The following SAMSN1 variants were observed in gnomAD, a reference collection of about 807,000 sequenced individuals.
The protein encoded by SAMSN1 is SAM domain-containing protein SAMSN-1.
In SAMSN1, 31 loss-of-function variants were observed where a neutral mutation model predicts 42.0. That is an observed-to-expected ratio of 0.74 (90% CI 0.55 to 1.00). The LOEUF (loss-of-function observed/expected upper bound fraction) is 1.00. Among genes scored for constraint, SAMSN1 ranks in the 50% least tolerant of loss-of-function variants. The pLI is 0.00. For synonymous variants in SAMSN1, 178 were observed against 151.9 expected, an observed-to-expected ratio of 1.17 and a Z score of -1.26; for missense variants, 464 against 439.4, an observed-to-expected ratio of 1.06 and a Z score of -0.50.
At chr21:14,573,353 C>T (rs1419088535) in intron 2 of SAMSN1, among the ~76,000 whole-genome samples, 1 of 152,138 alleles carries the variant, frequency 6.6e-6, no homozygotes, top group Non-Finnish European at 1.5e-5. Flanking sequence ...ATGGTGAGAG[C>T]TCCTGAGAAT....
intron 2 of SAMSN1, among the ~76,000 whole-genome samples, chr21:14,573,549 A>G (rs1262982938): frequency 1.3e-5 from 2 of 152,204 alleles, no homozygotes; most frequent in African/African-American, 4.8e-5. Context: ...AAACAAAAAC[A>G]AAACCCTAAA....
intron 2 of SAMSN1, among the ~76,000 whole-genome samples, chr21:14,572,457 G>A (rs1215671894): frequency 6.6e-6 from 1 of 152,118 alleles, no homozygotes; most frequent in Non-Finnish European, 1.5e-5. Flanking sequence ...GTTATTTATA[G>A]ATCTACTGCA....
chr21:14,612,908 A>G (rs958110667), exon 4 of SAMSN1: 3 of 705,462 alleles, frequency 4.3e-6, no homozygotes, highest in Admixed American at 2.1e-5. Context: ...AAATCTCCGG[A>G]ATAACCTGGA....
intron 1 of SAMSN1, among the ~76,000 whole-genome samples, chr21:14,538,540 T>G (rs1189203086): frequency 6.6e-6 from 1 of 152,184 alleles, no homozygotes; most frequent in Non-Finnish European, 1.5e-5. Context: ...TAAGCACCAG[T>G]GCATATAAAT....
chr21:14,586,949 C>T (rs952116357), upstream of SAMSN1, among the ~76,000 whole-genome samples: 4 of 152,162 alleles, frequency 2.6e-5, no homozygotes, highest in African/African-American at 9.6e-5. Context: ...TTAGTATGTG[C>T]CCATGAAGGG....
At chr21:14,544,118 C>T (rs954644048) in intron 1 of SAMSN1, among the ~76,000 whole-genome samples, 4 of 152,166 alleles carry the variant, frequency 2.6e-5, no homozygotes, top group Admixed American at 6.5e-5. Context: ...GGCACGAACA[C>T]GGCCCACTGT....
chr21:14,582,313 A>G, exon 2 of SAMSN1: 1 of 1,550,636 alleles, frequency 6.4e-7, no homozygotes, highest in East Asian at 2.4e-5. Flanking sequence ...CTTCATACCA[A>G]GCTAATTTAT....
intron 5 of SAMSN1, among the ~76,000 whole-genome samples, chr21:14,508,810 A>G (rs1987543009): frequency 6.6e-6 from 1 of 152,192 alleles, no homozygotes; most frequent in African/African-American, 2.4e-5. Flanking sequence ...AACCCAAATG[A>G]CCATCAATCA....
intron 7 of SAMSN1, chr21:14,592,139 T>G (rs1190334602): frequency 6.6e-6 from 1 of 152,206 alleles, no homozygotes; most frequent in Non-Finnish European, 1.5e-5. Context: ...AGCCACATCT[T>G]TCTTACTTCC....
Position 14,581,344 on chromosome 21 carries a change from C to CTTTTTTTTTTTTTTTTTTTTTTTTTT in SAMSN1, c.261+766_261+791dup, listed in dbSNP as rs56728511. Among the ~76,000 whole-genome samples, 15 of 32,592 alleles carry CTTTTTTTTTTTTTTTTTTTTTTTTTT rather than the reference C, an allele frequency of 4.6e-4. 6 individuals carry two copies. Among genetic ancestry groups the CTTTTTTTTTTTTTTTTTTTTTTTTTT allele is most frequent in the Admixed American group, 1.2e-3 (2 of 1,632 alleles). The allele number at this position is 32,592 out of a possible 152,430, so 21.4% of individuals were successfully genotyped here. A position where few individuals can be genotyped will look rare whatever the true frequency, so the allele number is the denominator to read the frequency against. On this transcript the variant is annotated intron_variant, in intron 2 of 8. Coordinates refer to the SAMSN1 transcript ENST00000285670. ...TGTAAAATGAGGGGAAATAATATTT[C>CTTTTTTTTTTTTTTTTTTTTTTTTTT]TTTTTTTTTTTTTTTTTTTTTTTTT...
chr21:14,581,340 A>ATT (rs1404934178), intron 2 of SAMSN1, among the ~76,000 whole-genome samples: 1 of 22,536 alleles, frequency 4.4e-5, no homozygotes. Flanking sequence ...GGGAAATAAT[A>ATT]TTTCTTTTTT....
At chr21:14,510,581 C>T in intron 4 of SAMSN1, 120 bp from the exon 5 acceptor site, 1 of 1,100,540 alleles carries the variant, frequency 9.1e-7, no homozygotes, top group South Asian at 1.4e-5. Flanking sequence ...TGAGGAAGTT[C>T]TAATTGACCC....
intron 2 of SAMSN1, among the ~76,000 whole-genome samples, chr21:14,558,698 A>C (rs545732525): frequency 1.1e-4 from 17 of 151,864 alleles, no homozygotes; most frequent in South Asian, 8.3e-4. Context: ...ACAAAAACAA[A>C]AACAACAACA....
chr21:14,614,471 G>T (rs1982782369), intron 3 of SAMSN1, among the ~76,000 whole-genome samples: 1 of 152,138 alleles, frequency 6.6e-6, no homozygotes, highest in Non-Finnish European at 1.5e-5. Flanking sequence ...CAATTCATGT[G>T]TGTGGGTAAA....
intron 2 of SAMSN1, among the ~76,000 whole-genome samples, chr21:14,568,023 A>G (rs1981176075): frequency 1.3e-5 from 2 of 152,182 alleles, no homozygotes. Flanking sequence ...GTGAGCATAA[A>G]ATATCACCTA....
Position 14,627,050 on chromosome 21 carries a change from T to C in SAMSN1, c.157-11034A>G, listed in dbSNP as rs148992569. Reference sequence around the variant, plus strand: ...AGAGAAAAAACCAAACACTGCATGTTCTCACTCATAGGTGGGAATTGAACA... The same window carrying C: ...AGAGAAAAAACCAAACACTGCATGTCCTCACTCATAGGTGGGAATTGAACA... On this transcript the variant is annotated intron_variant, in intron 2 of 15. Coordinates refer to the SAMSN1 transcript ENST00000647101. Among the ~76,000 whole-genome samples the C allele has an allele frequency of 7.1e-4, 108 of 152,212 alleles. 1 individual carries two copies. Among genetic ancestry groups the C allele is most frequent in the African/African-American group, 2.5e-3 (105 of 41,542 alleles).
At chr21:14,654,614 G>C (rs1195633120) in intron 1 of SAMSN1, among the ~76,000 whole-genome samples, 1 of 152,008 alleles carries the variant, frequency 6.6e-6, no homozygotes, top group Non-Finnish European at 1.5e-5. Context: ...ACAGCTGCTA[G>C]GGCTCTTGCT....
At chr21:14,645,595 T>G (rs1228566070) in intron 1 of SAMSN1, among the ~76,000 whole-genome samples, 1 of 152,200 alleles carries the variant, frequency 6.6e-6, no homozygotes, top group Non-Finnish European at 1.5e-5. Context: ...AACTCCTTAA[T>G]GCCCACACAC....
chr21:14,498,676 G>T (rs1367630415), intron 6 of SAMSN1, 84 bp from the exon 7 acceptor site: 5 of 1,116,710 alleles, frequency 4.5e-6, no homozygotes, highest in Non-Finnish European at 6.1e-6. Context: ...AAAGTATAGA[G>T]ATGCACATGG....
Sources: gnomAD v4.1 joint callset for allele counts (sites outside exome capture counted in the v4.1 genomes callset) on GRCh38, gnomAD v4.1.1 for gene constraint, MANE v1.5 for transcripts, NCBI Gene and HGNC (gene_info 2026-07-23, HGNC 2026-07-21) for gene names.